GALNT14: variants seen among roughly 807,000 people sequenced by gnomAD.
GALNT14 encodes polypeptide N-acetylgalactosaminyltransferase 14, also known as UDP-GalNAc:polypeptide N-acetylgalactosaminyltransferase 14.
Under a neutral mutation model 77.5 loss-of-function variants are expected in GALNT14, and 60 were observed. The ratio of observed to expected loss-of-function variants is 0.77; its 90% CI spans 0.63 to 0.96. The LOEUF (loss-of-function observed/expected upper bound fraction) is 0.96, where lower values mean the gene tolerates loss of function less well. GALNT14 is among the 40% of genes least tolerant of loss of function. GALNT14 has a pLI of 0.00. For synonymous variants in GALNT14, 280 were observed against 281.7 expected, an observed-to-expected ratio of 0.99 and a Z score of 0.06; for missense variants, 710 against 731.0, an observed-to-expected ratio of 0.97 and a Z score of 0.33.
chr2:31,057,372 GTGTATATA>G (rs1173840337), intron 1 of GALNT14, among the ~76,000 whole-genome samples: 2,715 of 79,006 alleles, frequency 0.034, 80 homozygotes, highest in African/African-American at 0.13. Context: ...GTGTGTGTGT[GTGTATATA>G]TATATATATA....
Position 30,924,242 on chromosome 2 carries a change from G to A in GALNT14, c.1257C>T (p.Ile419=), listed in dbSNP as rs759502622. 10 of 1,614,176 alleles carry A rather than the reference G, an allele frequency of 6.2e-6. No individual in the cohort carries two copies. Among genetic ancestry groups the A allele is most frequent in the Non-Finnish European group, 8.5e-6 (10 of 1,180,020 alleles). ...GTCTCTGTCGGATATTGCCCTTCTG[G>A]ATGGAGGACTCCTTGGGGATGCTGG... is the stretch of plus-strand genomic sequence containing the variant. The part of the protein sequence containing the change: ...PELSIPKESS[I]QKGNIRQRQK... The change falls in exon 13 of 15, where the codon ATC becomes ATT. Residue 419 remains isoleucine, a synonymous_variant. Coordinates refer to ENST00000349752, the MANE Select transcript of GALNT14 (RefSeq NM_024572.4).
intron 1 of GALNT14, among the ~76,000 whole-genome samples, chr2:31,070,033 C>T (rs1296785599): frequency 2.0e-5 from 3 of 152,060 alleles, no homozygotes; most frequent in African/African-American, 7.2e-5. Context: ...CCGCTTACCC[C>T]CACCCTCCGA....
intron 1 of GALNT14, among the ~76,000 whole-genome samples, chr2:31,103,608 T>C (rs367791512): frequency 1.3e-5 from 2 of 152,276 alleles, no homozygotes; most frequent in Middle Eastern, 3.4e-3. Context: ...GTGTCTACCA[T>C]TTATTAAGTA....
intron 1 of GALNT14, among the ~76,000 whole-genome samples, chr2:31,091,139 A>T (rs1676716718): frequency 6.6e-6 from 1 of 152,234 alleles, no homozygotes; most frequent in South Asian, 2.1e-4. Context: ...ATGGACCAGA[A>T]ATCAGTAAAC....
intron 1 of GALNT14, among the ~76,000 whole-genome samples, chr2:31,107,405 C>A (rs1677612094): frequency 3.3e-5 from 5 of 152,316 alleles, no homozygotes; most frequent in Admixed American, 6.5e-5. Context: ...CATGGCCTCT[C>A]CCAAACCCTC....
At chr2:31,052,782 G>A (rs2148522517) in intron 1 of GALNT14, among the ~76,000 whole-genome samples, 1 of 152,242 alleles carries the variant, frequency 6.6e-6, no homozygotes, top group African/African-American at 2.4e-5. Flanking sequence ...AAAAATACAG[G>A]ACACCCAATT....
Position 31,052,499 on chromosome 2 carries a change from C to T in GALNT14, c.130-59492G>A, listed in dbSNP as rs372898336. ...TTTTCAAAGAGCAGCGGCCTGCTCC[C>T]CACGGAAGCCTGGCCTCCTGCGGGA... On this transcript the variant is annotated intron_variant, in intron 1 of 14. Coordinates refer to ENST00000349752, the MANE Select transcript of GALNT14 (RefSeq NM_024572.4). 4.1e-4 allele frequency among the ~76,000 whole-genome samples: 63 copies of T among 152,338 alleles called. No individual in the cohort carries two copies. In the East Asian group the frequency reaches 6.8e-3, roughly 16 times the overall value.
chr2:30,998,584 T>A (rs1295514078), intron 1 of GALNT14, among the ~76,000 whole-genome samples: 1 of 152,192 alleles, frequency 6.6e-6, no homozygotes, highest in African/African-American at 2.4e-5. Flanking sequence ...CTGTAATAAA[T>A]CAGCTAACAC....
chr2:31,119,723 T>C (rs1039634416), intron 1 of GALNT14, among the ~76,000 whole-genome samples: 1 of 152,182 alleles, frequency 6.6e-6, no homozygotes, highest in Admixed American at 6.5e-5. Context: ...AGCTCTAACA[T>C]GTAAGAATAT....
At chr2:31,090,432 C>T (rs1234798002) in intron 1 of GALNT14, among the ~76,000 whole-genome samples, 1 of 151,680 alleles carries the variant, frequency 6.6e-6, no homozygotes, top group Non-Finnish European at 1.5e-5. Context: ...TCTGACGCAC[C>T]TGGAGAAAGC....
chr2:31,137,610 G>A (rs1306017731), intron 1 of GALNT14, among the ~76,000 whole-genome samples: 2 of 151,984 alleles, frequency 1.3e-5, no homozygotes, highest in Non-Finnish European at 2.9e-5. Context: ...GACCGCCGGC[G>A]ACTCTCTGGC....
At chr2:30,915,904 G>A (rs1444473422) in intron 13 of GALNT14, among the ~76,000 whole-genome samples, 1 of 152,182 alleles carries the variant, frequency 6.6e-6, no homozygotes, top group African/African-American at 2.4e-5. Context: ...GTTTGTCTAG[G>A]CTTTTCCTGG....
rs79568099 is a variant in GALNT14, at chr2:30,987,803, C to G, written c.299+5035G>C. ...TTCCTGAGCTGCTCACCCCAACACC[C>G]GCCCTCCTGGCAGCACTTGCTCTAA... On this transcript the variant is annotated intron_variant, in intron 2 of 14. Transcript: ENST00000349752. Among the ~76,000 whole-genome samples the G allele has an allele frequency of 8.5e-3, 1,280 of 151,296 alleles. 12 individuals carry two copies. The highest frequency in any genetic ancestry group is 0.03 in the African/African-American group (1,221 of 41,174).
intron 10 of GALNT14, among the ~76,000 whole-genome samples, chr2:30,930,093 C>A (rs1474450640): frequency 3.3e-5 from 5 of 152,168 alleles, no homozygotes; most frequent in African/African-American, 1.2e-4. Context: ...ACCTTTCCCC[C>A]AAAAGATACA....
At chr2:31,078,316 GA>G (rs556348194) in intron 1 of GALNT14, among the ~76,000 whole-genome samples, 158 of 152,346 alleles carry the variant, frequency 1.0e-3, no homozygotes, top group Middle Eastern at 3.4e-3. Context: ...GCAAGGCTGT[GA>G]AAATGTTAAT....
chr2:30,890,172 C>T, the GALNT14 span, among the ~76,000 whole-genome samples: 860 of 152,238 alleles, frequency 5.6e-3, 9 homozygotes, highest in Middle Eastern at 0.01. Flanking sequence ...GGTCTACATG[C>T]TGAGGGCGGG....
At chr2:31,059,196 G>T (rs899882649) in intron 1 of GALNT14, among the ~76,000 whole-genome samples, 1 of 152,124 alleles carries the variant, frequency 6.6e-6, no homozygotes, top group African/African-American at 2.4e-5. Context: ...GGTTTTATAG[G>T]GAAAAGTAAG....
intron 8 of GALNT14, among the ~76,000 whole-genome samples, chr2:30,944,137 G>A (rs1381282056): frequency 6.6e-6 from 1 of 152,136 alleles, no homozygotes; most frequent in African/African-American, 2.4e-5. Flanking sequence ...ATTCCCAAGA[G>A]GCCCGGGACT....
intron 11 of GALNT14, among the ~76,000 whole-genome samples, chr2:30,926,355 A>T (rs1240604861): frequency 6.6e-6 from 1 of 151,952 alleles, no homozygotes. Context: ...TGCAACGAAA[A>T]CTCTTCACGG....
Sources: allele counts gnomAD v4.1 joint callset (sites outside exome capture counted in the v4.1 genomes callset), GRCh38; gene constraint gnomAD v4.1.1; transcripts MANE v1.5; gene names NCBI Gene and HGNC (gene_info 2026-07-23, HGNC 2026-07-21).